Variants in GBP1 observed in about 807,000 individuals in gnomAD.
The protein encoded by GBP1 is guanylate binding protein 1.
GBP1 carries 64 observed loss-of-function variants against 69.5 expected under a neutral mutation model. The ratio of observed to expected loss-of-function variants is 0.92; its 90% CI spans 0.75 to 1.13. GBP1 has a LOEUF of 1.13. Among genes scored for constraint, GBP1 ranks in the 50% most tolerant of loss-of-function variants. The pLI, the probability that GBP1 is intolerant of heterozygous loss-of-function variation, is 0.00. For synonymous variants in GBP1, 250 were observed against 261.2 expected, an observed-to-expected ratio of 0.96 and a Z score of 0.41; for missense variants, 630 against 704.1, an observed-to-expected ratio of 0.89 and a Z score of 1.19.
chr1:89,064,618 G>A (rs1285676077), intron 1 of GBP1, among the ~76,000 whole-genome samples: 1 of 152,116 alleles, frequency 6.6e-6, no homozygotes, highest in Non-Finnish European at 1.5e-5. Flanking sequence ...GTAATAAAAA[G>A]TATACTGTTT....
intron 8 of GBP1, 101 bp downstream of exon 8, chr1:89,055,915 A>G: frequency 7.1e-7 from 1 of 1,403,440 alleles, no homozygotes; most frequent in Non-Finnish European, 1.0e-6. Context: ...AATGTTATGC[A>G]AACAAAAAAG....
At position 89,053,351 on chromosome 1, in the gene GBP1, G is replaced by C. The variant is rs1246294078; in HGVS notation, c.*4C>G. On this transcript the variant is annotated 3_prime_UTR_variant, in exon 11 of 11. Coordinates refer to ENST00000370473, the MANE Select transcript of GBP1 (RefSeq NM_002053.3). ...GGTTAGGGGTGACAGGAAGGCTCTG[G>C]TCTTTAGCTTATGGTACATGCCTTT... is the stretch of plus-strand genomic sequence containing the variant. The C allele has an allele frequency of 6.2e-7, 1 of 1,610,130 alleles. No homozygotes were observed. The highest frequency in any genetic ancestry group is 8.5e-7 in the Non-Finnish European group (1 of 1,178,220).
chr1:89,058,945 G>A lies in GBP1; in HGVS notation c.527C>T (p.Pro176Leu), dbSNP rs1437893559. 1 of 1,614,040 alleles carries A rather than the reference G, an allele frequency of 6.2e-7. No individual in the cohort carries two copies. The highest frequency in any genetic ancestry group is 8.5e-7 in the Non-Finnish European group (1 of 1,180,048). The change falls in exon 5 of 11, where the codon CCA (proline) becomes CTA (leucine). Residue 176 changes from proline to leucine, a missense_variant. By Grantham distance (98) the Pro-to-Leu change is moderately conservative. Transcript: ENST00000370473. ...EDSADFVSFF[P>L]DFVWTLRDFS... ...ATCTCTCAGTGTCCACACAAAGTCT[G>A]GGAAGAAGCTCACAAAGTCAGCTGA...
intron 8 of GBP1, 161 bp from the exon 9 acceptor site, chr1:89,055,376 G>A: frequency 3.2e-6 from 4 of 1,245,430 alleles, no homozygotes; most frequent in Non-Finnish European, 4.4e-6. Context: ...CATGCTCCTG[G>A]CAAGCCGATC....
Position 89,054,862 on chromosome 1 carries a change from T to A in GBP1, c.1485A>T (p.Lys495Asn). The change falls in exon 10 of 11, where the codon AAA (lysine) becomes AAT (asparagine). Residue 495 changes from lysine to asparagine, a missense_variant. Physicochemically the swap from Lys to Asn is moderately conservative, Grantham distance 94. Around this residue, in one of 5 missense-constraint regions of GBP1, gnomAD observed 35 missense variants for 68.6 expected, o/e 0.51. Transcript: ENST00000370473. ...TTGCTGAAGCCTGTGCAGACTCAGC[T>A]TTCACACGTTCCACTGAGGAGGAAA... is the stretch of plus-strand genomic sequence containing the variant. ...KEKEIEVERVKAESAQASAKM... is the reference protein window; with the variant it reads ...KEKEIEVERVNAESAQASAKM... 1 of 1,613,512 alleles carries A rather than the reference T, an allele frequency of 6.2e-7. No homozygotes were observed. The highest frequency in any genetic ancestry group is 1.1e-5 in the South Asian group (1 of 90,852).
In GBP1 at chr1:89,058,048, A is replaced by G. The variant is rs772931539; in HGVS notation, c.818T>C (p.Ile273Thr). ...AGTTTTAGTTTTGGAATTACTAAAGATGTAGGAACAGAAGTCTGCTACTTG... is the reference window on the plus strand; with the variant it reads ...AGTTTTAGTTTTGGAATTACTAAAGGTGTAGGAACAGAAGTCTGCTACTTG... ...VQQVADFCSYIFSNSKTKTLS... is the reference protein window; with the variant it reads ...VQQVADFCSYTFSNSKTKTLS... Residue 273 changes from isoleucine to threonine, a missense_variant, in exon 6 of 11, where the codon ATC becomes ACC. Physicochemically the swap from Ile to Thr is moderately conservative, Grantham distance 89. Coordinates refer to ENST00000370473, the MANE Select transcript of GBP1 (RefSeq NM_002053.3). 47 of 1,614,078 alleles carry G rather than the reference A, an allele frequency of 2.9e-5. No individual in the cohort carries two copies. Among genetic ancestry groups the G allele is most frequent in the Non-Finnish European group, 3.6e-5 (43 of 1,179,988 alleles).
At chr1:89,058,741 T>G (rs1376060352) in intron 5 of GBP1, 100 bp downstream of exon 5, 17 of 1,290,970 alleles carry the variant, frequency 1.3e-5, no homozygotes, top group Non-Finnish European at 1.9e-5. Flanking sequence ...GCTGAAGACA[T>G]AGAAAACTGC....
chr1:89,062,152 C>A (rs745842271), intron 2 of GBP1, among the ~76,000 whole-genome samples: 1 of 152,154 alleles, frequency 6.6e-6, no homozygotes, highest in Non-Finnish European at 1.5e-5. Context: ...GCCAGCAATT[C>A]CCCTTCTGGG....
intron 10 of GBP1, among the ~76,000 whole-genome samples, chr1:89,054,380 G>T (rs1055332845): frequency 1.4e-4 from 21 of 145,338 alleles, no homozygotes; most frequent in African/African-American, 5.1e-4. Flanking sequence ...GATTACAGGC[G>T]TGAGCCACAA....
At chr1:89,059,645 G>A (rs575860343) in intron 3 of GBP1, among the ~76,000 whole-genome samples, 1 of 150,558 alleles carries the variant, frequency 6.6e-6, no homozygotes, top group East Asian at 2.0e-4. Flanking sequence ...GTGTTTTTGG[G>A]TTACCATGAT....
intron 3 of GBP1, 113 bp from the exon 4 acceptor site, chr1:89,059,539 T>TC: frequency 2.9e-6 from 2 of 697,568 alleles, no homozygotes; most frequent in East Asian, 4.3e-5. Flanking sequence ...TTCTTTTCTT[T>TC]TTTTTTTTTT....
In GBP1 at chr1:89,056,081, G is replaced by T; in HGVS notation, c.1303C>A (p.Leu435Ile). The T allele has an allele frequency of 7.4e-6, 12 of 1,613,954 alleles. No homozygotes were observed. Among genetic ancestry groups the T allele is most frequent in the Non-Finnish European group, 1.0e-5 (12 of 1,179,848 alleles). The change falls in exon 8 of 11, where the codon CTC (leucine) becomes ATC (isoleucine). Residue 435 changes from leucine (L) to isoleucine (I), a missense_variant. Around this residue, in one of 5 missense-constraint regions of GBP1, gnomAD observed 367 missense variants for 369.5 expected, o/e 0.99. Coordinates refer to ENST00000370473, the MANE Select transcript of GBP1 (RefSeq NM_002053.3). ...GIYSKPGGYRLFVQKLQDLKK... is the reference protein window; with the variant it reads ...GIYSKPGGYRIFVQKLQDLKK... ...AGGTCTTGTAGCTTCTGAACAAAGAGACGATAGCCCCCTGGTTTCGAATAA... is the reference window on the plus strand; with the variant it reads ...AGGTCTTGTAGCTTCTGAACAAAGATACGATAGCCCCCTGGTTTCGAATAA...
rs35598639 is a variant in GBP1 at position 89,060,020 on chromosome 1, A to G, written c.318+177T>C. Among the ~76,000 whole-genome samples the G allele has an allele frequency of 5.1e-3, 772 of 152,364 alleles. 1 individual carries two copies. The highest frequency in any genetic ancestry group is 9.2e-3 in the Non-Finnish European group (624 of 68,038). ...CATGGCTTTAGCACCCAAATTCTTA[A>G]CTAAAGTTCTGTGCAGGATAAGACT... On this transcript the variant is annotated intron_variant, in intron 3 of 10. Coordinates refer to ENST00000370473, the MANE Select transcript of GBP1 (RefSeq NM_002053.3).
Position 89,058,066 on chromosome 1 carries a change from G to C in GBP1, c.800C>G (p.Ala267Gly). Reference sequence around the variant, plus strand: ...ACTAAAGATGTAGGAACAGAAGTCTGCTACTTGTTGCACAAATTCGGGGTC... The same window carrying C: ...ACTAAAGATGTAGGAACAGAAGTCTCCTACTTGTTGCACAAATTCGGGGTC... ...ELDPEFVQQV[A>G]DFCSYIFSNS... Residue 267 changes from alanine (A) to glycine (G), a missense_variant, in exon 6 of 11, where the codon GCA becomes GGA. Physicochemically the swap from Ala to Gly is moderately conservative, Grantham distance 60. Around this residue, in one of 5 missense-constraint regions of GBP1, gnomAD observed 367 missense variants for 369.5 expected, o/e 0.99. Transcript: ENST00000370473. The C allele has an allele frequency of 1.2e-6, 2 of 1,614,162 alleles. No homozygotes were observed. Among genetic ancestry groups the C allele is most frequent in the South Asian group, 1.1e-5 (1 of 91,086 alleles).
intron 1 of GBP1, among the ~76,000 whole-genome samples, chr1:89,064,240 T>TGTGAGAGAGAGA (rs1243424526): frequency 2.0e-5 from 2 of 100,066 alleles, no homozygotes; most frequent in Non-Finnish European, 2.0e-5. Context: ...TGTGTGTGTG[T>TGTGAGAGAGAGA]GAGAGAGAGA....
Position 89,057,990 on chromosome 1 carries a change from A to T in GBP1, c.874+2T>A, listed in dbSNP as rs750151909. 1.2e-6 allele frequency: 2 copies of T among 1,610,114 alleles called. No individual in the cohort carries two copies. The highest frequency in any genetic ancestry group is 1.7e-6 in the Non-Finnish European group (2 of 1,177,850). On this transcript the variant is annotated splice_donor_variant, in intron 6 of 10. Coordinates refer to ENST00000370473, the MANE Select transcript of GBP1 (RefSeq NM_002053.3). LOFTEE classifies it high-confidence loss of function. ...AGCAGAAGTACTAGGAAGGGGACTTACGAGGCCCGTTGACCTGGATGCCTC... is the reference window on the plus strand; with the variant it reads ...AGCAGAAGTACTAGGAAGGGGACTTTCGAGGCCCGTTGACCTGGATGCCTC...
intron 2 of GBP1, among the ~76,000 whole-genome samples, chr1:89,061,661 C>T (rs1680201520): frequency 6.6e-6 from 1 of 151,994 alleles, no homozygotes. Context: ...ATTAGTGGGA[C>T]TTCAGCAAAA....
intron 8 of GBP1, 140 bp downstream of exon 8, chr1:89,055,876 G>T (rs1444354004): frequency 3.0e-6 from 3 of 1,014,370 alleles, no homozygotes; most frequent in South Asian, 2.8e-5. Flanking sequence ...ATAACAGCCT[G>T]TTTGCATATG....
intron 8 of GBP1, 85 bp downstream of exon 8, chr1:89,055,931 C>G: frequency 1.3e-6 from 2 of 1,497,742 alleles, no homozygotes; most frequent in Middle Eastern, 3.4e-4. Flanking sequence ...AAAAGCACAT[C>G]TGTATGCAGT....
Sources: gnomAD v4.1 joint callset for allele counts (sites outside exome capture counted in the v4.1 genomes callset) on GRCh38, gnomAD v4.1.1 for gene constraint, gnomAD v4.1.1 regional missense constraint, MANE v1.5 for transcripts, NCBI Gene and HGNC (gene_info 2026-07-23, HGNC 2026-07-21) for gene names.